MORN3: variants seen among roughly 807,000 people sequenced by gnomAD.
MORN3 encodes MORN repeat-containing protein 3.
In MORN3, 38 loss-of-function variants were observed where a neutral mutation model predicts 34.7. That is an observed-to-expected ratio of 1.10 (90% CI 0.85 to 1.44). The LOEUF is 1.44. Ranked by LOEUF, MORN3 falls within the 40% of genes most tolerant of loss-of-function variation. MORN3 has a pLI of 0.00. For synonymous variants in MORN3, 109 were observed against 115.3 expected, an observed-to-expected ratio of 0.95 and a Z score of 0.35; for missense variants, 311 against 321.7, an observed-to-expected ratio of 0.97 and a Z score of 0.25.
chr12:121,658,565 C>CAAAAA (rs62682762), intron 2 of MORN3, among the ~76,000 whole-genome samples: 2,134 of 68,688 alleles, frequency 0.031, 36 homozygotes, highest in East Asian at 0.16. Flanking sequence ...GACTCCCTCT[C>CAAAAA]AAAAAAAAAA....
chr12:121,654,344 G>T lies in MORN3; in HGVS notation c.393C>A (p.Tyr131Ter). 1 of 1,603,268 alleles carries T rather than the reference G, an allele frequency of 6.2e-7. No individual in the cohort carries two copies. The highest frequency in any genetic ancestry group is 8.5e-7 in the Non-Finnish European group (1 of 1,175,440). ...GTCCCTCGTAGATGTCGCCGTTGCT[G>T]TAATACATGCGGCCCCACCCGCTGC... ...SQRSGWGRMY[Y>*]SNGDIYEGQW... is the part of the protein sequence containing the mutation. The change falls in exon 3 of 6, where the codon TAC becomes TAA. Residue 131 changes from tyrosine (Y) to a stop codon, truncating the protein, a stop_gained. Transcript: ENST00000355329. LOFTEE classifies it high-confidence loss of function.
chr12:121,669,676 T>G, upstream of MORN3: 1 of 681,004 alleles, frequency 1.5e-6, no homozygotes, highest in Non-Finnish European at 2.3e-6. Context: ...GGCCCCTCCC[T>G]TGCCTCTCCT....
rs201433858 is a variant in MORN3, at chr12:121,653,247, C to A, written c.476G>T (p.Arg159Leu). 1.8e-5 allele frequency: 29 copies of A among 1,613,694 alleles called. No individual in the cohort carries two copies. The highest frequency in any genetic ancestry group is 2.4e-5 in the Non-Finnish European group (28 of 1,179,892). Residue 159 changes from arginine (R) to leucine (L), a missense_variant, in exon 4 of 6, where the codon CGC (arginine) becomes CTC (leucine). Coordinates refer to ENST00000355329, the MANE Select transcript of MORN3 (RefSeq NM_173855.5). ...GCCTCTCTCCCAGCAGCCCTCGTAG[C>A]GGTTCCCGTTCTCTGGGGGAAAGGA... is the stretch of plus-strand genomic sequence containing the variant. Reference protein sequence around the residue: ...EGMLRLKNGNRYEGCWERGMK... With the variant: ...EGMLRLKNGNLYEGCWERGMK...
rs541178127 is a variant in MORN3 at position 121,666,100 on chromosome 12, TG to T, written c.145+3238del. ...ATCCCAGAACTTTGGGAGGCCAAGG[TG>T]GGCAGATCACTTGAGGTCAGGAATT... On this transcript the variant is annotated intron_variant, in intron 1 of 5. Transcript: ENST00000355329. 6.0e-3 allele frequency among the ~76,000 whole-genome samples: 906 copies of T among 152,196 alleles called. 11 individuals carry two copies. The highest frequency in any genetic ancestry group is 0.021 in the African/African-American group (869 of 41,550).
rs370042191 is a variant in MORN3 at position 121,649,035 on chromosome 12, G to A, written c.*2616C>T. The A allele has an allele frequency of 2.1e-3, 322 of 150,986 alleles. 1 individual carries two copies. The highest frequency in any genetic ancestry group is 0.015 in the South Asian group (71 of 4,786). 9.4% of individuals were successfully genotyped at this position (150,986 alleles called of 1,614,324 possible). ...GTGATCTTGGCTCACCACTACCTCC[G>A]CCTCCTGGGTTCAAGTGATTCTCCT... On this transcript the variant is annotated 3_prime_UTR_variant, in exon 6 of 6. Transcript: ENST00000355329.
At chr12:121,657,466 A>T (rs782219798) in intron 2 of MORN3, among the ~76,000 whole-genome samples, 1 of 152,092 alleles carries the variant, frequency 6.6e-6, no homozygotes, top group Non-Finnish European at 1.5e-5. Context: ...ACTCCCTGTG[A>T]TTTTATCTCT....
intron 1 of MORN3, among the ~76,000 whole-genome samples, chr12:121,661,037 C>A (rs1893566456): frequency 6.6e-6 from 1 of 152,036 alleles, no homozygotes; most frequent in Non-Finnish European, 1.5e-5. Context: ...CTCGCTGCAG[C>A]CTCAACCACC....
rs181435827 is a variant in MORN3, at chr12:121,649,576, C to T, written c.*2075G>A. On this transcript the variant is annotated 3_prime_UTR_variant, in exon 6 of 6. Coordinates refer to ENST00000355329, the MANE Select transcript of MORN3 (RefSeq NM_173855.5). ...GAGAACCACACCCTTGGTGAGGCCA[C>T]CCTACTTATGACTTAGGGGGCAGAG... is the stretch of plus-strand genomic sequence containing the variant. The T allele has an allele frequency of 6.6e-6, 1 of 152,234 alleles. No homozygotes were observed. Among genetic ancestry groups the T allele is most frequent in the East Asian group, 1.9e-4 (1 of 5,180 alleles). The allele number at this position is 152,234 out of a possible 1,614,324, so 9.4% of individuals were successfully genotyped here.
rs1342430578 is a variant in MORN3 at position 121,659,349 on chromosome 12, C to G, written c.146-1G>C. 6.2e-7 allele frequency: 1 copy of G among 1,613,602 alleles called. No homozygotes were observed. Among genetic ancestry groups the G allele is most frequent in the Non-Finnish European group, 8.5e-7 (1 of 1,179,828 alleles). On this transcript the variant is annotated splice_acceptor_variant, in intron 1 of 5. Coordinates refer to ENST00000355329, the MANE Select transcript of MORN3 (RefSeq NM_173855.5). LOFTEE classifies it high-confidence loss of function. ...TTCTTCCAGACCTGTGTTCCTTTCC[C>G]TGGTGACACACAGATGGGCAATGCT...
chr12:121,666,365 G>A (rs7974901), intron 1 of MORN3, among the ~76,000 whole-genome samples: 2,956 of 152,058 alleles, frequency 0.019, 102 homozygotes, highest in African/African-American at 0.068. Flanking sequence ...TTGGCTGGGC[G>A]TGGTGGTGTG....
chr12:121,671,112 CAAA>C (rs373837950), upstream of MORN3, among the ~76,000 whole-genome samples: 1 of 86,800 alleles, frequency 1.2e-5, no homozygotes. Context: ...GACTCTGTCT[CAAA>C]AAAAAAAAAA....
upstream of MORN3, among the ~76,000 whole-genome samples, chr12:121,671,300 G>A (rs1344846719): frequency 6.6e-6 from 1 of 150,900 alleles, no homozygotes; most frequent in African/African-American, 2.4e-5. Context: ...CCAGCTACTC[G>A]GGAGGCTGAG....
chr12:121,671,597 C>T (rs1431777489), upstream of MORN3, among the ~76,000 whole-genome samples: 1 of 149,694 alleles, frequency 6.7e-6, no homozygotes, highest in Non-Finnish European at 1.5e-5. Context: ...TAGGAATTAG[C>T]AAGGCCGGGA....
chr12:121,658,383 G>A (rs1305967765), intron 2 of MORN3, among the ~76,000 whole-genome samples: 1 of 151,776 alleles, frequency 6.6e-6, no homozygotes, highest in Non-Finnish European at 1.5e-5. Context: ...TGGCTAACAC[G>A]GTGAAACCCC....
chr12:121,665,619 G>C (rs1210012269), intron 1 of MORN3, among the ~76,000 whole-genome samples: 1 of 151,234 alleles, frequency 6.6e-6, no homozygotes, highest in Non-Finnish European at 1.5e-5. Context: ...ACAAAAATTA[G>C]CTGGGCTTGG....
At chr12:121,662,621 G>A (rs917335443) in intron 1 of MORN3, among the ~76,000 whole-genome samples, 2 of 151,998 alleles carry the variant, frequency 1.3e-5, no homozygotes, top group South Asian at 2.1e-4. Flanking sequence ...GGGCATGGTG[G>A]TGAGCACCTG....
chr12:121,671,186 T>A (rs1893956883), upstream of MORN3, among the ~76,000 whole-genome samples: 1 of 148,854 alleles, frequency 6.7e-6, no homozygotes. Flanking sequence ...GGCGGGTGGA[T>A]CACGAGGTCA....
chr12:121,660,292 C>A lies in MORN3; in HGVS notation c.146-944G>T, dbSNP rs1025511825. ...AAACAAACAAACAAACTGTTCCTGG[C>A]ATGTTGTAGGTGACTAATACCTGCT... On this transcript the variant is annotated intron_variant, in intron 1 of 5. Transcript: ENST00000355329. Among the ~76,000 whole-genome samples the A allele has an allele frequency of 2.6e-4, 39 of 151,724 alleles. 2 individuals are homozygous for A. The highest frequency in any genetic ancestry group is 2.9e-5 in the Non-Finnish European group (2 of 67,932).
chr12:121,658,116 T>C (rs1893462661), intron 2 of MORN3, among the ~76,000 whole-genome samples: 1 of 152,066 alleles, frequency 6.6e-6, no homozygotes, highest in African/African-American at 2.4e-5. Context: ...GGAGACTGAT[T>C]TGAGTAATAA....
Sources: gnomAD v4.1 joint callset for allele counts (sites outside exome capture counted in the v4.1 genomes callset) on GRCh38, gnomAD v4.1.1 for gene constraint, MANE v1.5 for transcripts, NCBI Gene and HGNC (gene_info 2026-07-23, HGNC 2026-07-21) for gene names.